CDYL2: variants seen among roughly 807,000 people sequenced by gnomAD.
CDYL2 encodes the protein chromodomain Y like 2.
A neutral mutation model predicts 49.4 loss-of-function variants in CDYL2; 23 were observed. The ratio of observed to expected loss-of-function variants is 0.47; its 90% CI spans 0.34 to 0.66. CDYL2 has a LOEUF of 0.66. Ranked by LOEUF, CDYL2 falls within the 30% of genes least tolerant of loss-of-function variation. CDYL2 has a pLI of 0.01. For missense variants in CDYL2, 678 were observed against 656.4 expected, an observed-to-expected ratio of 1.03 and a Z score of -0.36; for synonymous variants, 360 against 268.8, an observed-to-expected ratio of 1.34 and a Z score of -3.32.
intron 2 of CDYL2, among the ~76,000 whole-genome samples, chr16:80,654,994 C>G (rs1259116172): frequency 6.6e-6 from 1 of 152,142 alleles, no homozygotes; most frequent in Non-Finnish European, 1.5e-5. Context: ...GTTTCTGCAG[C>G]GGCCCAGGCA....
intron 1 of CDYL2, among the ~76,000 whole-genome samples, chr16:80,803,946 G>A (rs1234740493): frequency 1.4e-5 from 2 of 142,568 alleles, no homozygotes; most frequent in Non-Finnish European, 1.5e-5. Context: ...GCGGGCGCGG[G>A]CGCCGCGGGA....
rs915367009 is a variant in CDYL2, at chr16:80,752,819, A to G, written c.24+51331T>C. 2.6e-5 allele frequency among the ~76,000 whole-genome samples: 4 copies of G among 152,334 alleles called. No individual in the cohort carries two copies. In the South Asian group the frequency reaches 8.3e-4, roughly 32 times the overall value. ...GCCAGTGTGACATCACTGAATGTAG[A>G]GATGGAACAAGATGTGCACAATCAA... On this transcript the variant is annotated intron_variant, in intron 1 of 6. Coordinates refer to ENST00000570137, the MANE Select transcript of CDYL2 (RefSeq NM_152342.4).
rs1910136002 is a variant in CDYL2 at position 80,685,097 on chromosome 16, C to G, written c.57G>C (p.Lys19Asn). The change falls in exon 2 of 7, where the codon AAG becomes AAC. Residue 19 changes from lysine to asparagine, a missense_variant. Lys to Asn is a moderately conservative substitution (Grantham distance 94). Coordinates refer to ENST00000570137, the MANE Select transcript of CDYL2 (RefSeq NM_152342.4). ...GGATAAGATACTCCCATTTTCCTTT[C>G]TTGTTCTTCCTCTTGTCTACAATCC... ...VERIVDKRKN[K>N]KGKWEYLIRW... 2 of 1,613,390 alleles carry G rather than the reference C, an allele frequency of 1.2e-6. No homozygotes were observed. Among genetic ancestry groups the G allele is most frequent in the Non-Finnish European group, 1.7e-6 (2 of 1,179,588 alleles).
intron 2 of CDYL2, among the ~76,000 whole-genome samples, chr16:80,674,206 T>G (rs1312305442): frequency 6.6e-6 from 1 of 152,168 alleles, no homozygotes. Flanking sequence ...GTGGGCACTG[T>G]GGTTCCATTC....
At chr16:80,725,748 C>T (rs1411809120) in intron 1 of CDYL2, among the ~76,000 whole-genome samples, 2 of 152,228 alleles carry the variant, frequency 1.3e-5, no homozygotes, top group South Asian at 2.1e-4. Flanking sequence ...GCCAGCCAAC[C>T]ACAGTGTGAG....
At chr16:80,616,077 T>G (rs1906814765) in intron 4 of CDYL2, among the ~76,000 whole-genome samples, 1 of 152,204 alleles carries the variant, frequency 6.6e-6, no homozygotes, top group South Asian at 2.1e-4. Flanking sequence ...CCCTGTGGCT[T>G]CTGCCTGACA....
At chr16:80,692,814 G>C (rs745855130) in intron 1 of CDYL2, among the ~76,000 whole-genome samples, 27 of 152,168 alleles carry the variant, frequency 1.8e-4, no homozygotes, top group Admixed American at 1.5e-3. Flanking sequence ...AGAGTAACAT[G>C]TTTGTGTATA....
Position 80,625,641 on chromosome 16 carries a change from G to A in CDYL2, c.835-4706C>T, listed in dbSNP as rs1242308733. On this transcript the variant is annotated intron_variant, in intron 3 of 6. Coordinates refer to ENST00000570137, the MANE Select transcript of CDYL2 (RefSeq NM_152342.4). The stretch of plus-strand genomic sequence containing the variant: ...CTAAGCAATAGAAATAACAATACAC[G>A]CAAGCACAGACATATCATATTTAAA... Among the ~76,000 whole-genome samples, 3 of 152,092 alleles carry A rather than the reference G, an allele frequency of 2.0e-5. No homozygotes were observed. In the East Asian group the frequency reaches 5.8e-4, roughly 29 times the overall value.
rs1296723049 is a variant in CDYL2 at position 80,599,483 on chromosome 16, ATATGT to A, written c.*4900_*4904del. ...AGTCCTGGATAGACATATTCAGCTG[ATATGT>A]TATGTTCTACATTTAGTTTGCCTTT... On this transcript the variant is annotated 3_prime_UTR_variant, in exon 7 of 7. Coordinates refer to ENST00000570137, the MANE Select transcript of CDYL2 (RefSeq NM_152342.4). 6.6e-6 allele frequency: 1 copy of A among 152,188 alleles called. No individual in the cohort carries two copies. The allele number at this position is 152,188 out of a possible 1,614,324, so 9.4% of individuals were successfully genotyped here. A position where few individuals can be genotyped will look rare whatever the true frequency, so the allele number is the denominator to read the frequency against.
At chr16:80,747,009 A>G (rs1905955612) in intron 1 of CDYL2, among the ~76,000 whole-genome samples, 1 of 152,152 alleles carries the variant, frequency 6.6e-6, no homozygotes, top group East Asian at 1.9e-4. Flanking sequence ...TGGGTTTGCC[A>G]CAATCCCCAG....
chr16:80,716,879 CTGGATGGA>C (rs529478035), intron 1 of CDYL2, among the ~76,000 whole-genome samples: 3 of 147,108 alleles, frequency 2.0e-5, no homozygotes, highest in East Asian at 2.1e-4. Context: ...GGATGGATGA[CTGGATGGA>C]TGGATGGATG....
chr16:80,761,890 A>C (rs908187181), intron 1 of CDYL2, among the ~76,000 whole-genome samples: 2 of 151,626 alleles, frequency 1.3e-5, no homozygotes, highest in Non-Finnish European at 2.9e-5. Flanking sequence ...TTAAAAAAAA[A>C]AAAAAAAACA....
Position 80,604,373 on chromosome 16 carries a change from G to GT in CDYL2, c.*14dup. On this transcript the variant is annotated 3_prime_UTR_variant, in exon 7 of 7. Transcript: ENST00000570137. ...GGGCAGAGCTGGAAGTTGGGGGCCC[G>GT]TGAGCTGGGGCCCCTCAGACTTCAT... is the stretch of plus-strand genomic sequence containing the variant. The GT allele has an allele frequency of 6.2e-7, 1 of 1,613,626 alleles. No individual in the cohort carries two copies. Among genetic ancestry groups the GT allele is most frequent in the South Asian group, 1.1e-5 (1 of 91,020 alleles).
intron 1 of CDYL2, among the ~76,000 whole-genome samples, chr16:80,791,791 C>G (rs1258502578): frequency 1.3e-5 from 2 of 152,046 alleles, no homozygotes; most frequent in African/African-American, 2.4e-5. Flanking sequence ...CCACAAAAAG[C>G]TTATATATCA....
chr16:80,649,541 C>T (rs1567555598), intron 2 of CDYL2, among the ~76,000 whole-genome samples: 1 of 152,114 alleles, frequency 6.6e-6, no homozygotes, highest in Non-Finnish European at 1.5e-5. Flanking sequence ...AATGGCCATA[C>T]TACCCAAAGT....
chr16:80,768,462 C>T (rs892194464), intron 1 of CDYL2, among the ~76,000 whole-genome samples: 4 of 152,194 alleles, frequency 2.6e-5, no homozygotes, highest in Non-Finnish European at 5.9e-5. Flanking sequence ...ACTCACAGTT[C>T]TAGAGGCTGG....
At chr16:80,736,464 G>A (rs889938296) in intron 1 of CDYL2, 1 of 152,226 alleles carries the variant, frequency 6.6e-6, no homozygotes, top group Non-Finnish European at 1.5e-5. Context: ...GAGGTACAAA[G>A]CTGAACCCCC....
intron 1 of CDYL2, among the ~76,000 whole-genome samples, chr16:80,791,186 G>A (rs1368404319): frequency 2.6e-5 from 4 of 152,124 alleles, no homozygotes. Context: ...TGGCTTATAG[G>A]AAAACAATGT....
At chr16:80,663,956 A>G (rs1005135628) in intron 2 of CDYL2, among the ~76,000 whole-genome samples, 4 of 152,234 alleles carry the variant, frequency 2.6e-5, no homozygotes, top group African/African-American at 9.6e-5. Flanking sequence ...CCTGATTAAA[A>G]GGAACTTTTT....
Sources: gnomAD v4.1 joint callset for allele counts (sites outside exome capture counted in the v4.1 genomes callset) on GRCh38, gnomAD v4.1.1 for gene constraint, MANE v1.5 for transcripts, NCBI Gene and HGNC (gene_info 2026-07-23, HGNC 2026-07-21) for gene names.